The following ENTREP1 variants were observed in gnomAD, a reference collection of about 807,000 sequenced individuals.
ENTREP1 encodes the protein Friedreich ataxia region gene X123.
chr9:69,383,868 C>G, the ENTREP1 span: 12 of 1,576,404 alleles, frequency 7.6e-6, no homozygotes, highest in African/African-American at 1.5e-4. Context: ...CCCCACACAT[C>G]TTTTTAAGGA....
chr9:69,373,220 ATGTG>A, the ENTREP1 span, among the ~76,000 whole-genome samples: 1 of 152,178 alleles, frequency 6.6e-6, no homozygotes, highest in Non-Finnish European at 1.5e-5. Context: ...CAATTTGGCC[ATGTG>A]TTAAGCATCT....
At chr9:69,378,666 G>T in the ENTREP1 span, among the ~76,000 whole-genome samples, 4 of 151,860 alleles carry the variant, frequency 2.6e-5, no homozygotes, top group Non-Finnish European at 5.9e-5. Context: ...GGCTGAGGCA[G>T]GAGAATGGCA....
At chr9:69,351,377 T>G in the ENTREP1 span, among the ~76,000 whole-genome samples, 1 of 151,938 alleles carries the variant, frequency 6.6e-6, no homozygotes, top group African/African-American at 2.4e-5. Flanking sequence ...CTGAGAAATT[T>G]TCTTATTTCC....
chr9:69,359,914 G>A, the ENTREP1 span, among the ~76,000 whole-genome samples: 3 of 151,568 alleles, frequency 2.0e-5, no homozygotes, highest in Non-Finnish European at 2.9e-5. Flanking sequence ...TGTATTGAAC[G>A]CATTCTACAT....
chr9:69,328,661 TA>T, the ENTREP1 span, among the ~76,000 whole-genome samples: 60 of 149,782 alleles, frequency 4.0e-4, no homozygotes, highest in East Asian at 2.5e-3. Flanking sequence ...AAGGTTTCTA[TA>T]AAAAAAAAAG....
the ENTREP1 span, chr9:69,324,794 C>T: frequency 1.0e-6 from 1 of 985,204 alleles, no homozygotes; most frequent in Non-Finnish European, 1.2e-6. Context: ...CACTAAAGCG[C>T]GCCAGGGCCT....
the ENTREP1 span, among the ~76,000 whole-genome samples, chr9:69,385,307 C>A: frequency 6.6e-6 from 1 of 152,180 alleles, no homozygotes; most frequent in Non-Finnish European, 1.5e-5. Flanking sequence ...CCAATTCCAG[C>A]GGGGTTTTAC....
At chr9:69,373,032 T>TA in the ENTREP1 span, among the ~76,000 whole-genome samples, 3 of 48,872 alleles carry the variant, frequency 6.1e-5, no homozygotes, top group Non-Finnish European at 1.2e-4. Context: ...ATTGAGTTAT[T>TA]TTTTTTTTTG....
chr9:69,325,157 CA>C, the ENTREP1 span: 1 of 1,040,634 alleles, frequency 9.6e-7, no homozygotes, highest in South Asian at 4.6e-5. Flanking sequence ...GCGGCGGCAG[CA>C]AGTGGTTGGG....
the ENTREP1 span, among the ~76,000 whole-genome samples, chr9:69,390,903 G>C: frequency 2.4e-4 from 37 of 151,708 alleles, no homozygotes; most frequent in Non-Finnish European, 8.8e-5. Flanking sequence ...AGCCTCCCAA[G>C]TAGCTGGGAC....
chr9:69,380,035 C>T, the ENTREP1 span: 1 of 152,236 alleles, frequency 6.6e-6, no homozygotes, highest in African/African-American at 2.4e-5. Flanking sequence ...AGCTTCTCAT[C>T]AAGGGCTTTA....
the ENTREP1 span, among the ~76,000 whole-genome samples, chr9:69,336,766 C>T: frequency 1.3e-4 from 20 of 152,146 alleles, no homozygotes; most frequent in Middle Eastern, 6.8e-3. Context: ...GGCTGGAGTG[C>T]AGTGGTGTGA....
At chr9:69,324,670 G>C in the ENTREP1 span, 19 of 984,742 alleles carry the variant, frequency 1.9e-5, 1 homozygote, top group Middle Eastern at 3.1e-3. Context: ...AACTGCGCTC[G>C]GCGTCGTCCT....
the ENTREP1 span, among the ~76,000 whole-genome samples, chr9:69,359,861 A>G: frequency 1.3e-5 from 2 of 152,184 alleles, no homozygotes; most frequent in East Asian, 3.9e-4. Flanking sequence ...TTCCTGATCT[A>G]TTAAAAGTTT....
At chr9:69,334,501 G>C in the ENTREP1 span, among the ~76,000 whole-genome samples, 1 of 152,200 alleles carries the variant, frequency 6.6e-6, no homozygotes, top group African/African-American at 2.4e-5. Flanking sequence ...AGTCCTTACT[G>C]ATCTGTAGTT....
the ENTREP1 span, among the ~76,000 whole-genome samples, chr9:69,339,390 A>G: frequency 1.3e-5 from 2 of 152,146 alleles, no homozygotes; most frequent in East Asian, 3.9e-4. Context: ...AAAGGGAAAA[A>G]TGCCAGTCAG....
the ENTREP1 span, chr9:69,383,855 G>C: frequency 1.9e-6 from 3 of 1,575,444 alleles, no homozygotes; most frequent in South Asian, 1.1e-5. Flanking sequence ...CAGGGAGACC[G>C]GGCCCCACAC....
At chr9:69,389,406 C>G in the ENTREP1 span, among the ~76,000 whole-genome samples, 1 of 152,180 alleles carries the variant, frequency 6.6e-6, no homozygotes, top group South Asian at 2.1e-4. Flanking sequence ...CTGGCCTCTT[C>G]TTACAGAAGC....
At chr9:69,339,587 C>T in the ENTREP1 span, among the ~76,000 whole-genome samples, 2 of 152,120 alleles carry the variant, frequency 1.3e-5, no homozygotes, top group African/African-American at 2.4e-5. Flanking sequence ...CTCAGTTTCC[C>T]GAGTTTAAGG....
Sources: allele counts gnomAD v4.1 joint callset (sites outside exome capture counted in the v4.1 genomes callset), GRCh38; gene constraint gnomAD v4.1.1; transcripts MANE v1.5; gene names NCBI Gene and HGNC (gene_info 2026-07-23, HGNC 2026-07-21).